Variants in CUL2 observed in about 807,000 individuals in gnomAD.
CUL2 encodes the protein cullin 2.
In CUL2, 22 loss-of-function variants were observed where a neutral mutation model predicts 110.2. The ratio of observed to expected loss-of-function variants is 0.20; its 90% CI spans 0.14 to 0.28. The LOEUF (loss-of-function observed/expected upper bound fraction) is 0.28, where lower values mean the gene tolerates loss of function less well. Ranked by LOEUF, CUL2 falls within the 10% of genes least tolerant of loss-of-function variation. The pLI, the probability that CUL2 is intolerant of heterozygous loss-of-function variation, is 1.00. For missense variants in CUL2, 631 were observed against 905.5 expected, an observed-to-expected ratio of 0.70 and a Z score of 3.89; for synonymous variants, 279 against 293.2, an observed-to-expected ratio of 0.95 and a Z score of 0.49.
intron 9 of CUL2, among the ~76,000 whole-genome samples, chr10:35,037,327 T>C (rs1348149833): frequency 6.6e-6 from 1 of 152,232 alleles, no homozygotes; most frequent in South Asian, 2.1e-4. Flanking sequence ...TTACATCAAG[T>C]GGCCACATAT....
chr10:35,096,098 A>G (rs2087295046), intron 2 of CUL2, among the ~76,000 whole-genome samples: 1 of 151,978 alleles, frequency 6.6e-6, no homozygotes, highest in African/African-American at 2.4e-5. Flanking sequence ...AAATACAAAA[A>G]TAAGCCTGGG....
intron 1 of CUL2, among the ~76,000 whole-genome samples, chr10:35,088,617 A>G (rs977749635): frequency 2.0e-5 from 3 of 152,030 alleles, no homozygotes; most frequent in African/African-American, 7.2e-5. Flanking sequence ...GTCAACTGCC[A>G]GACAACGCAA....
At chr10:35,066,167 G>A (rs1347564218) in intron 2 of CUL2, among the ~76,000 whole-genome samples, 1 of 151,940 alleles carries the variant, frequency 6.6e-6, no homozygotes, top group African/African-American at 2.4e-5. Flanking sequence ...ATTATGCCAT[G>A]GGTCAAAAAC....
intron 1 of CUL2, among the ~76,000 whole-genome samples, chr10:35,087,702 TTCAA>T (rs1196338308): frequency 6.6e-6 from 1 of 152,160 alleles, no homozygotes; most frequent in East Asian, 1.9e-4. Flanking sequence ...ACATGACAAT[TTCAA>T]TAAGTATCTT....
rs543133421 is a variant in CUL2, at chr10:35,045,126, G to C, written c.507-258C>G. ...CTGATTGTAAAGTTCAAGATACTAT[G>C]TCAGTAATAAGATAACACTTCTTTA... On this transcript the variant is annotated intron_variant, in intron 6 of 20. Transcript: ENST00000374749. 1.2e-4 allele frequency among the ~76,000 whole-genome samples: 18 copies of C among 152,248 alleles called. No individual in the cohort carries two copies. The South Asian group carries it at 2.1e-3, about 18-fold the overall frequency.
chr10:35,029,116 G>A (rs2134707934), intron 15 of CUL2, among the ~76,000 whole-genome samples: 1 of 148,976 alleles, frequency 6.7e-6, no homozygotes. Flanking sequence ...TCAATGCAGT[G>A]GCACGATCTC....
intron 1 of CUL2, among the ~76,000 whole-genome samples, chr10:35,086,719 AAAAT>A (rs144309375): frequency 5.9e-5 from 9 of 152,038 alleles, no homozygotes; most frequent in Non-Finnish European, 8.8e-5. Context: ...ACACCATCTC[AAAAT>A]AAATAAATAA....
intron 9 of CUL2, among the ~76,000 whole-genome samples, chr10:35,038,525 CAAAAAAAAAAA>C (rs61022194): frequency 3.1e-5 from 2 of 65,508 alleles, no homozygotes; most frequent in African/African-American, 1.3e-4. Context: ...GACTCTGTCT[CAAAAAAAAAAA>C]AAAAAAAAAA....
intron 1 of CUL2, among the ~76,000 whole-genome samples, chr10:35,112,127 A>T (rs1040020550): frequency 3.9e-5 from 6 of 152,156 alleles, no homozygotes; most frequent in African/African-American, 1.4e-4. Flanking sequence ...AAGTAAATCA[A>T]ATTGCTTCTC....
At chr10:35,108,974 A>T (rs967669976) in intron 1 of CUL2, among the ~76,000 whole-genome samples, 4 of 152,182 alleles carry the variant, frequency 2.6e-5, no homozygotes, top group African/African-American at 9.7e-5. Flanking sequence ...GCACTTTGGG[A>T]GGCCGAAGTG....
intron 17 of CUL2, among the ~76,000 whole-genome samples, chr10:35,019,240 G>A (rs373598813): frequency 6.6e-6 from 1 of 152,152 alleles, no homozygotes; most frequent in East Asian, 1.9e-4. Context: ...ATATGCTGCC[G>A]TGGGTTTGAA....
chr10:35,043,532 G>A (rs2085850128), intron 8 of CUL2, among the ~76,000 whole-genome samples: 1 of 152,200 alleles, frequency 6.6e-6, no homozygotes, highest in Non-Finnish European at 1.5e-5. Flanking sequence ...GCCTAGGGAT[G>A]TAGGATGACA....
chr10:35,022,709 T>C (rs1200000482), intron 17 of CUL2, among the ~76,000 whole-genome samples: 1 of 152,208 alleles, frequency 6.6e-6, no homozygotes, highest in African/African-American at 2.4e-5. Flanking sequence ...AGATCTATCA[T>C]ATAGCATGGT....
chr10:35,010,844 T>C (rs540288065), intron 20 of CUL2, among the ~76,000 whole-genome samples: 6 of 152,292 alleles, frequency 3.9e-5, no homozygotes, highest in South Asian at 2.1e-4. Context: ...ATTTCAATAG[T>C]GTATTTCTTC....
At chr10:35,094,632 G>A (rs2087269206), upstream of CUL2, among the ~76,000 whole-genome samples, 1 of 152,260 alleles carries the variant, frequency 6.6e-6, no homozygotes, top group South Asian at 2.1e-4. Flanking sequence ...TCTTAACTCT[G>A]GTTGGAAATG....
At chr10:35,114,464 C>T (rs1055356018) in intron 1 of CUL2, among the ~76,000 whole-genome samples, 1 of 151,736 alleles carries the variant, frequency 6.6e-6, no homozygotes, top group African/African-American at 2.4e-5. Context: ...CTTACTGCAA[C>T]TTCTGCCTCC....
intron 8 of CUL2, among the ~76,000 whole-genome samples, chr10:35,041,517 T>C (rs1319947466): frequency 6.7e-6 from 1 of 150,320 alleles, no homozygotes; most frequent in East Asian, 2.0e-4. Context: ...TGGTCCAACA[T>C]TATTTCCTGA....
At chr10:35,060,823 T>C (rs373225148) in intron 4 of CUL2, 51 bp downstream of exon 4, 202 of 1,420,258 alleles carry the variant, frequency 1.4e-4, no homozygotes, top group Non-Finnish European at 1.8e-4. Context: ...TGTCAACTAC[T>C]GAATGCAGGC....
chr10:35,018,114 T>TAAAA (rs1228812910), intron 17 of CUL2, among the ~76,000 whole-genome samples: 1 of 55,066 alleles, frequency 1.8e-5, no homozygotes, highest in Non-Finnish European at 3.8e-5. Flanking sequence ...CCTGCTCTAC[T>TAAAA]AAAAATACAA....
Sources: gnomAD v4.1 joint callset for allele counts (sites outside exome capture counted in the v4.1 genomes callset) on GRCh38, gnomAD v4.1.1 for gene constraint, MANE v1.5 for transcripts, NCBI Gene and HGNC (gene_info 2026-07-23, HGNC 2026-07-21) for gene names.